Variants in TMEM260 observed in about 807,000 individuals in gnomAD.
TMEM260 encodes transmembrane protein 260.
Under a neutral mutation model 88.9 loss-of-function variants are expected in TMEM260, and 82 were observed. That is an observed-to-expected ratio of 0.92 (90% CI 0.77 to 1.11). The LOEUF is 1.11. TMEM260 is among the 50% of genes least tolerant of loss of function. The pLI is 0.00. For synonymous variants in TMEM260, 314 were observed against 309.3 expected (o/e 1.02, Z -0.16); for missense variants, 902 against 853.4 (o/e 1.06, Z -0.71).
In TMEM260 at chr14:56,641,346, GT is replaced by G. The variant is rs201644426; in HGVS notation, c.1869+4749del. On this transcript the variant is annotated intron_variant, in intron 15 of 15. Coordinates refer to ENST00000261556, the MANE Select transcript of TMEM260 (RefSeq NM_017799.4). ...GAGAAACTCTACAAGCCAGAAGAGG[GT>G]GGGGGCCAATATTCAGTATTCTTCA... 8.9e-3 allele frequency among the ~76,000 whole-genome samples: 1,352 copies of G among 152,272 alleles called. 26 individuals are homozygous for G. Among genetic ancestry groups the G allele is most frequent in the African/African-American group, 0.031 (1,301 of 41,560 alleles).
chr14:56,585,325 A>C (rs904681061), intron 2 of TMEM260, among the ~76,000 whole-genome samples: 4 of 152,146 alleles, frequency 2.6e-5, no homozygotes, highest in Non-Finnish European at 5.9e-5. Flanking sequence ...TTTATTATTT[A>C]ATAAACTTTA....
chr14:56,644,126 T>G (rs1247722909), intron 15 of TMEM260, among the ~76,000 whole-genome samples: 2 of 152,172 alleles, frequency 1.3e-5, no homozygotes, highest in Non-Finnish European at 2.9e-5. Context: ...AAGCTACCAA[T>G]GACTTTCTTC....
chr14:56,622,585 T>G (rs1887999763), intron 11 of TMEM260, among the ~76,000 whole-genome samples: 7 of 152,004 alleles, frequency 4.6e-5, no homozygotes, highest in Admixed American at 4.6e-4. Flanking sequence ...TTGTGAAAAT[T>G]TTGAGGGCTA....
rs1204101578 is a variant in TMEM260, at chr14:56,633,171, G to C, written c.1724G>C (p.Arg575Thr). 1.9e-6 allele frequency: 3 copies of C among 1,607,694 alleles called. No individual in the cohort carries two copies. The South Asian group carries it at 3.3e-5, about 18-fold the overall frequency. Residue 575 changes from arginine (R) to threonine (T), a missense_variant and splice_region_variant, in exon 13 of 16, where the codon AGG becomes ACG. By Grantham distance (71) the Arg-to-Thr change is moderately conservative (BLOSUM62 -1). Transcript: ENST00000261556. ...TATAACTGGACCGAAGAATATGGAA[G>C]GTATGAACAGCAGTTGTATTTTGAT... ...SIYNWTEEYG[R>T]FDPSSWESVA...
intron 11 of TMEM260, among the ~76,000 whole-genome samples, chr14:56,624,854 A>C (rs1888143797): frequency 7.2e-6 from 1 of 138,288 alleles, no homozygotes; most frequent in African/African-American, 2.7e-5. Context: ...GGTTTTGTGA[A>C]GGACAGTATT....
intron 6 of TMEM260, 33 bp from the exon 7 acceptor site, chr14:56,612,212 T>A: frequency 6.3e-7 from 1 of 1,591,376 alleles, no homozygotes; most frequent in Non-Finnish European, 8.6e-7. Flanking sequence ...AGTTTAATGC[T>A]TGTGCAGATA....
chr14:56,605,297 A>G (rs1304419454), intron 4 of TMEM260, among the ~76,000 whole-genome samples: 3 of 152,212 alleles, frequency 2.0e-5, no homozygotes, highest in Admixed American at 6.5e-5. Flanking sequence ...TACTATTACA[A>G]CTTATCTATT....
At chr14:56,656,064 T>C in the TMEM260 span, among the ~76,000 whole-genome samples, 1 of 152,168 alleles carries the variant, frequency 6.6e-6, no homozygotes, top group Non-Finnish European at 1.5e-5. Flanking sequence ...CTGTATAGTA[T>C]AGTGATTAGA....
intron 10 of TMEM260, 103 bp from the exon 11 acceptor site, chr14:56,621,428 T>G: frequency 1.3e-6 from 1 of 791,644 alleles, no homozygotes; most frequent in Non-Finnish European, 1.9e-6. Flanking sequence ...ACACTAAATG[T>G]TGATTGTATG....
chr14:56,633,621 C>T (rs1359054499), intron 13 of TMEM260: 1 of 154,738 alleles, frequency 6.5e-6, no homozygotes, highest in Non-Finnish European at 1.4e-5. Flanking sequence ...AGCGAAGACT[C>T]AGCTTTGAGT....
Position 56,625,477 on chromosome 14 carries a change from AC to A in TMEM260, c.1496del (p.Pro499LeufsTer15). On this transcript the variant is annotated frameshift_variant, in exon 12 of 16. Transcript: ENST00000261556. LOFTEE classifies it high-confidence loss of function. ...NRWNPVEGIL[P>X]SGMVTFNLYH... Reference sequence around the variant, plus strand: ...GGTGGAATCCTGTGGAAGGAATATTACCTAGTGGAATGGTCACATTTAATCT... The same window carrying A: ...GGTGGAATCCTGTGGAAGGAATATTACTAGTGGAATGGTCACATTTAATCT... The A allele has an allele frequency of 6.2e-7, 1 of 1,611,816 alleles. No homozygotes were observed. The highest frequency in any genetic ancestry group is 8.5e-7 in the Non-Finnish European group (1 of 1,177,944).
chr14:56,641,257 G>T (rs1450904140), intron 15 of TMEM260, among the ~76,000 whole-genome samples: 1 of 152,132 alleles, frequency 6.6e-6, no homozygotes, highest in Non-Finnish European at 1.5e-5. Flanking sequence ...GTTAAGGGCA[G>T]CCAGAGAGAA....
At position 56,612,301 on chromosome 14, in the gene TMEM260, T is replaced by G. The variant is rs757425031; in HGVS notation, c.857+16T>G. On this transcript the variant is annotated intron_variant, in intron 7 of 15. Transcript: ENST00000261556. ...AAATACTGCTGTGAGTATGAAATAT[T>G]TGAAACTACTTTAAAATGAATTCTC... The G allele has an allele frequency of 5.0e-6, 8 of 1,602,690 alleles. No individual in the cohort carries two copies. The South Asian group carries it at 8.8e-5, about 18-fold the overall frequency.
chr14:56,598,719 A>G (rs1886391756), intron 3 of TMEM260, among the ~76,000 whole-genome samples: 1 of 152,158 alleles, frequency 6.6e-6, no homozygotes, highest in Non-Finnish European at 1.5e-5. Context: ...TTGATGTGTC[A>G]GCACAAATCA....
chr14:56,647,185 TG>T lies in TMEM260; in HGVS notation c.1870-57del, dbSNP rs1394369513. 4.0e-6 allele frequency: 6 copies of T among 1,515,192 alleles called. No homozygotes were observed. The East Asian group carries it at 9.1e-5, about 23-fold the overall frequency. The allele number at this position is 1,515,192 out of a possible 1,614,324, so 93.9% of individuals were successfully genotyped here. On this transcript the variant is annotated intron_variant, in intron 15 of 15. Coordinates refer to ENST00000261556, the MANE Select transcript of TMEM260 (RefSeq NM_017799.4). Reference sequence around the variant, plus strand: ...TAATTCCTCTGTGTTTTTTTGTTTTTGAAAAAAAAAAAGTCAAAGAATAACA... The same window carrying T: ...TAATTCCTCTGTGTTTTTTTGTTTTTAAAAAAAAAAAGTCAAAGAATAACA...
downstream of TMEM260, chr14:56,649,641 G>A (rs1459546367): frequency 2.6e-5 from 4 of 154,562 alleles, no homozygotes; most frequent in Non-Finnish European, 5.8e-5. Context: ...TGGTGTTTGA[G>A]GAACCTTATT....
At chr14:56,620,013 ATTC>A (rs1418616152) in intron 10 of TMEM260, among the ~76,000 whole-genome samples, 1 of 152,214 alleles carries the variant, frequency 6.6e-6, no homozygotes, top group African/African-American at 2.4e-5. Flanking sequence ...GGTGGCCATT[ATTC>A]TTAGCAAATT....
chr14:56,602,871 G>T (rs1315473812), intron 3 of TMEM260, among the ~76,000 whole-genome samples: 1 of 152,044 alleles, frequency 6.6e-6, no homozygotes, highest in East Asian at 1.9e-4. Flanking sequence ...TTATACAAAA[G>T]GATACAGTTG....
intron 8 of TMEM260, 72 bp downstream of exon 8, chr14:56,616,099 C>G (rs1220989635): frequency 8.9e-7 from 1 of 1,127,582 alleles, no homozygotes; most frequent in African/African-American, 1.5e-5. Context: ...CAGTATGTCG[C>G]TGTAGGACAT....
Sources: gnomAD v4.1 joint callset for allele counts (sites outside exome capture counted in the v4.1 genomes callset) on GRCh38, gnomAD v4.1.1 for gene constraint, MANE v1.5 for transcripts, NCBI Gene and HGNC (gene_info 2026-07-23, HGNC 2026-07-21) for gene names.